MYO7B: variants seen among roughly 807,000 people sequenced by gnomAD.
MYO7B encodes myosin VIIB, also known as unconventional myosin-VIIb.
In MYO7B, 212 loss-of-function variants were observed where a neutral mutation model predicts 259.7. The ratio of observed to expected loss-of-function variants is 0.82; its 90% CI spans 0.73 to 0.91. The LOEUF (loss-of-function observed/expected upper bound fraction) is 0.91, where lower values mean the gene tolerates loss of function less well. MYO7B is among the 40% of genes least tolerant of loss of function. The pLI is 0.00. For synonymous variants in MYO7B, 1,197 were observed against 1,166.4 expected (o/e 1.03, Z -0.54); for missense variants, 2,732 against 2,813.5 (o/e 0.97, Z 0.66).
In MYO7B at chr2:127,581,826, C is replaced by G. The variant is rs981727444; in HGVS notation, c.1081-65C>G. 2.5e-6 allele frequency: 4 copies of G among 1,601,552 alleles called. No homozygotes were observed. In the Admixed American group the frequency reaches 6.7e-5, roughly 27 times the overall value. On this transcript the variant is annotated intron_variant, in intron 10 of 47. Transcript: ENST00000409816. ...GAGAGGGAACAAGACTTGGCAGAAG[C>G]AGGTCAGAGTGCTGGGCCAGGCCCT... is the stretch of plus-strand genomic sequence containing the variant.
intron 2 of MYO7B, among the ~76,000 whole-genome samples, chr2:127,560,321 C>A (rs547451221): frequency 6.6e-6 from 1 of 152,284 alleles, no homozygotes; most frequent in South Asian, 2.1e-4. Context: ...GCCCAGCCAA[C>A]AAAGGGATTT....
At chr2:127,562,270 C>T (rs866014302) in intron 2 of MYO7B, among the ~76,000 whole-genome samples, 5 of 152,072 alleles carry the variant, frequency 3.3e-5, no homozygotes, top group African/African-American at 1.2e-4. Context: ...CTATAGCGAT[C>T]TTCTTCCTAA....
rs1573639879 is a variant in MYO7B at position 127,573,971 on chromosome 2, A to G, written c.644A>G (p.Lys215Arg). ...IRNDNSSRFG[K>R]YIDIYFNPSG... ...AACGACAACTCAAGCCGCTTTGGGA[A>G]GTACATTGACATCTACTTTAACCCC... Residue 215 changes from lysine to arginine, a missense_variant, in exon 7 of 48, where the codon AAG becomes AGG. By Grantham distance (26) the Lys-to-Arg change is conservative. Around this residue, in one of 3 missense-constraint regions of MYO7B, gnomAD observed 1,906 missense variants for 2,026.4 expected, o/e 0.94. Coordinates refer to ENST00000409816, the MANE Select transcript of MYO7B (RefSeq NM_001393586.1). The G allele has an allele frequency of 3.1e-6, 5 of 1,614,066 alleles. No individual in the cohort carries two copies. Among genetic ancestry groups the G allele is most frequent in the Non-Finnish European group, 4.2e-6 (5 of 1,179,904 alleles).
chr2:127,615,762 C>A lies in MYO7B; in HGVS notation c.3398+3159C>A, dbSNP rs1680547965. On this transcript the variant is annotated intron_variant, in intron 26 of 47. Coordinates refer to ENST00000409816, the MANE Select transcript of MYO7B (RefSeq NM_001393586.1). This position sits in a 1 kb window ranked among gnomAD's most constrained non-coding sequence, Gnocchi z 4.4. ...TAGATCACGACTCTCACTCTTTCGGCCTGCAACATCTCTCCCTTTTTGTTT... is the reference window on the plus strand; with the variant it reads ...TAGATCACGACTCTCACTCTTTCGGACTGCAACATCTCTCCCTTTTTGTTT... Among the ~76,000 whole-genome samples the A allele has an allele frequency of 1.3e-5, 2 of 151,776 alleles. No individual in the cohort carries two copies. The highest frequency in any genetic ancestry group is 2.9e-5 in the Non-Finnish European group (2 of 67,978).
At position 127,612,532 on chromosome 2, in the gene MYO7B, A is replaced by C. The variant is rs1454823180; in HGVS notation, c.3327A>C (p.Ala1109=). 2 of 1,584,652 alleles carry C rather than the reference A, an allele frequency of 1.3e-6. No individual in the cohort carries two copies. Among genetic ancestry groups the C allele is most frequent in the Non-Finnish European group, 1.7e-6 (2 of 1,165,646 alleles). ...EEALEPDGLG[A]DRPMSNLEKV... ...CATTGGAGCCTGATGGCCTTGGTGCAGACCGGCCCATGTCCAACCTGGAGA... is the reference window on the plus strand; with the variant it reads ...CATTGGAGCCTGATGGCCTTGGTGCCGACCGGCCCATGTCCAACCTGGAGA... The change falls in exon 26 of 48, where the codon GCA becomes GCC. Residue 1109 remains alanine, a synonymous_variant. Coordinates refer to ENST00000409816, the MANE Select transcript of MYO7B (RefSeq NM_001393586.1).
rs533985471 is a variant in MYO7B, at chr2:127,585,634, A to C, written c.1690+721A>C. On this transcript the variant is annotated intron_variant, in intron 14 of 47. Coordinates refer to ENST00000409816, the MANE Select transcript of MYO7B (RefSeq NM_001393586.1). This position sits in a 1 kb window ranked among gnomAD's most constrained non-coding sequence, Gnocchi z 4.3. ...TGTGTCATATGATAACTCTATGTTTAACTGTTTGAGGAACCACCAGACTGT... is the reference window on the plus strand; with the variant it reads ...TGTGTCATATGATAACTCTATGTTTCACTGTTTGAGGAACCACCAGACTGT... Among the ~76,000 whole-genome samples the C allele has an allele frequency of 6.6e-6, 1 of 152,310 alleles. No homozygotes were observed. The highest frequency in any genetic ancestry group is 2.4e-5 in the African/African-American group (1 of 41,558).
In MYO7B at chr2:127,609,810, T is replaced by A. The variant is rs545080066; in HGVS notation, c.3025-39T>A. 3.1e-6 allele frequency: 5 copies of A among 1,612,862 alleles called. No homozygotes were observed. The South Asian group carries it at 3.3e-5, about 11-fold the overall frequency. On this transcript the variant is annotated intron_variant, in intron 23 of 47. Transcript: ENST00000409816. The surrounding 1 kb of genome is among the most constrained non-coding windows in gnomAD (Gnocchi z 6.9). ...GAAAGAAGGAAGGGGCCATAGTCAC[T>A]GATGGGTTCCCACTGGGCCTTCTGT...
At chr2:127,583,994 G>T (rs775601090) in intron 12 of MYO7B, 128 bp from the exon 13 acceptor site, 8 of 768,132 alleles carry the variant, frequency 1.0e-5, no homozygotes, top group Admixed American at 4.3e-5. Context: ...TGTACACGAG[G>T]TGTGCATCTG....
chr2:127,552,196 A>G (rs1323687229), intron 1 of MYO7B, among the ~76,000 whole-genome samples: 1 of 152,186 alleles, frequency 6.6e-6, no homozygotes, highest in Non-Finnish European at 1.5e-5. Flanking sequence ...ACGCATAATA[A>G]TTGTACATAT....
rs1221426527 is a variant in MYO7B, at chr2:127,633,348, C to A, written c.5496C>A (p.Pro1832=). Residue 1832 remains proline, a synonymous_variant, in exon 40 of 48, where the codon CCC becomes CCA. Coordinates refer to ENST00000409816, the MANE Select transcript of MYO7B (RefSeq NM_001393586.1). The part of the protein sequence containing the change: ...VSRICHKIYF[P]NDTSEMLEVV... The stretch of plus-strand genomic sequence containing the variant: ...GCATCTGCCACAAGATCTACTTCCC[C>A]AATGACACCAGTGAGGTGAGGCCCT... The A allele has an allele frequency of 6.2e-7, 1 of 1,612,960 alleles. No homozygotes were observed. The highest frequency in any genetic ancestry group is 8.5e-7 in the Non-Finnish European group (1 of 1,179,736).
In MYO7B at chr2:127,592,812, T is replaced by C; in HGVS notation, c.2011T>C (p.Cys671Arg). The C allele has an allele frequency of 6.2e-7, 1 of 1,610,568 alleles. No individual in the cohort carries two copies. The highest frequency in any genetic ancestry group is 8.5e-7 in the Non-Finnish European group (1 of 1,178,966). Residue 671 changes from cysteine (C) to arginine (R), a missense_variant, in exon 17 of 48, where the codon TGC becomes CGC. Around this residue, in one of 3 missense-constraint regions of MYO7B, gnomAD observed 1,906 missense variants for 2,026.4 expected, o/e 0.94. Transcript: ENST00000409816. ...KKPLLFDREL[C>R]LRQLRYSGMM... The stretch of plus-strand genomic sequence containing the variant: ...CCCACAGCTGTTCGACCGGGAGCTG[T>C]GCCTGCGGCAGCTGCGATACTCGGG...
intron 26 of MYO7B, 51 bp from the exon 27 acceptor site, chr2:127,620,289 C>G (rs549266243): frequency 6.6e-5 from 103 of 1,563,696 alleles, no homozygotes; most frequent in Admixed American, 1.0e-4. Context: ...CCCCTGTCTC[C>G]TCTCCTCCTC....
chr2:127,602,467 G>A (rs950590743), intron 19 of MYO7B, among the ~76,000 whole-genome samples: 2 of 152,196 alleles, frequency 1.3e-5, no homozygotes, highest in African/African-American at 4.8e-5. Flanking sequence ...GGTCAACGTA[G>A]TGAGAACTCA....
chr2:127,602,196 C>T (rs749274902), intron 19 of MYO7B, among the ~76,000 whole-genome samples: 1 of 152,112 alleles, frequency 6.6e-6, no homozygotes, highest in Non-Finnish European at 1.5e-5. Flanking sequence ...CATTAGGTAT[C>T]ACACTATACA....
chr2:127,622,645 C>G (rs778675234), intron 28 of MYO7B, among the ~76,000 whole-genome samples: 37 of 152,234 alleles, frequency 2.4e-4, no homozygotes, highest in Non-Finnish European at 5.1e-4. Flanking sequence ...CCCTGTGACC[C>G]GAGGTGCCCT....
chr2:127,602,590 T>C (rs935425299), intron 19 of MYO7B, among the ~76,000 whole-genome samples: 1 of 152,114 alleles, frequency 6.6e-6, no homozygotes, highest in Admixed American at 6.5e-5. Flanking sequence ...TTCAAAGTTA[T>C]GTTGAGCTCT....
intron 43 of MYO7B, 61 bp downstream of exon 43, chr2:127,635,287 G>A: frequency 6.7e-7 from 1 of 1,491,764 alleles, no homozygotes; most frequent in South Asian, 1.2e-5. Context: ...CACCTGTTCT[G>A]AGGCTGTAGA....
chr2:127,574,086 C>A, intron 7 of MYO7B, 24 bp downstream of exon 7: 2 of 1,613,236 alleles, frequency 1.2e-6, no homozygotes, highest in South Asian at 1.1e-5. Flanking sequence ...CTTCCCAGGT[C>A]GGGAGTTGAG....
In MYO7B at chr2:127,577,985, G is replaced by T; in HGVS notation, c.850-148G>T. On this transcript the variant is annotated intron_variant, in intron 8 of 47. Coordinates refer to ENST00000409816, the MANE Select transcript of MYO7B (RefSeq NM_001393586.1). This position sits in a 1 kb window ranked among gnomAD's most constrained non-coding sequence, Gnocchi z 5.2. The stretch of plus-strand genomic sequence containing the variant: ...GATCATGCTGTGGCTACTGTGTCAT[G>T]ATTCTGCCTCTGAAAAGAGTTTTTG... 2 of 875,608 alleles carry T rather than the reference G, an allele frequency of 2.3e-6. No individual in the cohort carries two copies. Among genetic ancestry groups the T allele is most frequent in the Non-Finnish European group, 3.4e-6 (2 of 584,378 alleles). The allele number at this position is 875,608 out of a possible 1,614,324, so 54.2% of individuals were successfully genotyped here. A position where few individuals can be genotyped will look rare whatever the true frequency, so the allele number is the denominator to read the frequency against.
Sources: gnomAD v4.1 joint callset for allele counts (sites outside exome capture counted in the v4.1 genomes callset) on GRCh38, gnomAD v4.1.1 for gene constraint, gnomAD v4.1.1 regional missense constraint, Gnocchi (gnomAD v3.1) non-coding constraint, MANE v1.5 for transcripts, NCBI Gene and HGNC (gene_info 2026-07-23, HGNC 2026-07-21) for gene names.